The following NIPAL2 variants were observed in gnomAD, a reference collection of about 807,000 sequenced individuals.
The protein encoded by NIPAL2 is NIPA-like protein 2.
NIPAL2 carries 43 observed loss-of-function variants against 48.9 expected under a neutral mutation model. That is an observed-to-expected ratio of 0.88 (90% CI 0.69 to 1.13). NIPAL2 has a LOEUF of 1.13. Ranked by LOEUF, NIPAL2 falls within the 50% of genes most tolerant of loss-of-function variation. NIPAL2 has a pLI of 0.00. For synonymous variants in NIPAL2, 167 were observed against 174.6 expected (o/e 0.96, Z 0.34); for missense variants, 446 against 461.4 (o/e 0.97, Z 0.31).
chr8:98,203,521 G>A (rs1810898558), intron 7 of NIPAL2, among the ~76,000 whole-genome samples: 1 of 152,206 alleles, frequency 6.6e-6, no homozygotes, highest in East Asian at 1.9e-4. Flanking sequence ...ATAGACCCCA[G>A]AATCTGTTAA....
chr8:98,283,288 G>A (rs1178463180), intron 1 of NIPAL2, among the ~76,000 whole-genome samples: 1 of 152,164 alleles, frequency 6.6e-6, no homozygotes. Flanking sequence ...TCTCAGCAGA[G>A]CAAATTTATG....
intron 1 of NIPAL2, among the ~76,000 whole-genome samples, chr8:98,274,017 T>C (rs535880756): frequency 1.3e-5 from 2 of 152,042 alleles, no homozygotes; most frequent in East Asian, 3.8e-4. Context: ...CCAAATGAAG[T>C]TGGTTGCCAC....
intron 6 of NIPAL2, among the ~76,000 whole-genome samples, chr8:98,205,758 G>A (rs1177657836): frequency 6.6e-6 from 1 of 152,120 alleles, no homozygotes; most frequent in African/African-American, 2.4e-5. Context: ...CAGCCTTTTG[G>A]CTAAAATCAA....
At chr8:98,226,134 T>G (rs1298335656) in intron 4 of NIPAL2, among the ~76,000 whole-genome samples, 1 of 152,138 alleles carries the variant, frequency 6.6e-6, no homozygotes, top group Non-Finnish European at 1.5e-5. Context: ...TTATCTTGCA[T>G]TTATTTGAGT....
At chr8:98,279,485 C>T (rs1241486287) in intron 1 of NIPAL2, among the ~76,000 whole-genome samples, 2 of 152,200 alleles carry the variant, frequency 1.3e-5, no homozygotes, top group Non-Finnish European at 2.9e-5. Context: ...AAACATCTCT[C>T]TCTTTCTCTT....
intron 1 of NIPAL2, among the ~76,000 whole-genome samples, chr8:98,278,662 G>A (rs938931071): frequency 2.0e-5 from 3 of 152,138 alleles, no homozygotes; most frequent in African/African-American, 7.2e-5. Context: ...GCTCCTTGAA[G>A]GCAGAGCTGT....
intron 3 of NIPAL2, among the ~76,000 whole-genome samples, chr8:98,251,368 T>C (rs1813575239): frequency 6.6e-6 from 1 of 152,222 alleles, no homozygotes; most frequent in Admixed American, 6.5e-5. Flanking sequence ...AATGTCTATG[T>C]ACATGTTAGT....
At chr8:98,276,268 C>A (rs531813700) in intron 1 of NIPAL2, among the ~76,000 whole-genome samples, 9 of 152,166 alleles carry the variant, frequency 5.9e-5, no homozygotes, top group African/African-American at 2.2e-4. Context: ...ACCCACAACC[C>A]CTAGCAACCA....
intron 1 of NIPAL2, among the ~76,000 whole-genome samples, chr8:98,290,811 G>A (rs1816451446): frequency 6.6e-6 from 1 of 152,204 alleles, no homozygotes; most frequent in South Asian, 2.1e-4. Context: ...GCAGCGGGGA[G>A]CACAGCTTGC....
chr8:98,191,173 T>C lies in NIPAL2; in HGVS notation c.*1805A>G, dbSNP rs1326677531. On this transcript the variant is annotated 3_prime_UTR_variant, in exon 11 of 11. Transcript: ENST00000430223. The stretch of plus-strand genomic sequence containing the variant: ...ACAGTGCTGAAAATCTCATGCACTC[T>C]AGCTATGAATGCAGGTCTACTTGAA... 1 of 152,240 alleles carries C rather than the reference T, an allele frequency of 6.6e-6. No individual in the cohort carries two copies. The highest frequency in any genetic ancestry group is 2.4e-5 in the African/African-American group (1 of 41,468). The allele number at this position is 152,240 out of a possible 1,614,324, so 9.4% of individuals were successfully genotyped here.
chr8:98,258,738 C>T (rs1814058263), intron 1 of NIPAL2, among the ~76,000 whole-genome samples: 1 of 151,680 alleles, frequency 6.6e-6, no homozygotes, highest in Non-Finnish European at 1.5e-5. Context: ...ACCAATTCAG[C>T]TATTTCTCTA....
At chr8:98,224,505 C>A (rs891890524) in intron 4 of NIPAL2, among the ~76,000 whole-genome samples, 3 of 151,874 alleles carry the variant, frequency 2.0e-5, no homozygotes, top group South Asian at 2.1e-4. Flanking sequence ...GTTTACTGAA[C>A]CAGTTTCCAA....
intron 4 of NIPAL2, among the ~76,000 whole-genome samples, chr8:98,229,385 T>C (rs575693823): frequency 2.1e-4 from 32 of 152,340 alleles, no homozygotes; most frequent in Non-Finnish European, 4.3e-4. Context: ...TTTTTTGTTT[T>C]AAATAGAGAC....
At chr8:98,223,830 A>G (rs1003954902) in intron 4 of NIPAL2, among the ~76,000 whole-genome samples, 2 of 152,374 alleles carry the variant, frequency 1.3e-5, no homozygotes, top group African/African-American at 4.8e-5. Context: ...CTTTAAAAAC[A>G]AAAAACAGTA....
At chr8:98,214,907 C>A (rs560888535) in intron 5 of NIPAL2, among the ~76,000 whole-genome samples, 1 of 152,314 alleles carries the variant, frequency 6.6e-6, no homozygotes, top group East Asian at 1.9e-4. Context: ...TCTTTGCCTT[C>A]CCTAAAACAG....
chr8:98,205,129 G>C lies in NIPAL2; in HGVS notation c.773C>G (p.Ser258Cys), dbSNP rs1444351194. ...AACTTACTTGACTTGGAAAACACAA[G>C]ATGCTATCATGATGATAAACATGAT... ...FYIMFIIMIA[S>C]CVFQVKFLNQ... The change falls in exon 7 of 11, where the codon TCT becomes TGT. Residue 258 changes from serine (S) to cysteine (C), a missense_variant. Transcript: ENST00000430223. 5 of 1,613,596 alleles carry C rather than the reference G, an allele frequency of 3.1e-6. No individual in the cohort carries two copies. Among genetic ancestry groups the C allele is most frequent in the Non-Finnish European group, 4.2e-6 (5 of 1,179,808 alleles).
intron 5 of NIPAL2, among the ~76,000 whole-genome samples, chr8:98,221,610 T>C (rs1374254648): frequency 1.3e-5 from 2 of 152,162 alleles, no homozygotes; most frequent in African/African-American, 4.8e-5. Flanking sequence ...TTTTGTTACA[T>C]AGGTATACAT....
chr8:98,290,756 G>A (rs61411139), intron 1 of NIPAL2, among the ~76,000 whole-genome samples: 25,828 of 152,088 alleles, frequency 0.17, 3,047 homozygotes, highest in African/African-American at 0.34. Flanking sequence ...CTTTAAAAAT[G>A]CATATGGGGG....
chr8:98,260,008 G>C (rs1814197135), intron 1 of NIPAL2, among the ~76,000 whole-genome samples: 1 of 152,236 alleles, frequency 6.6e-6, no homozygotes, highest in Non-Finnish European at 1.5e-5. Flanking sequence ...AGAAATAATA[G>C]ACTAAGGTTG....
Sources: allele counts gnomAD v4.1 joint callset (sites outside exome capture counted in the v4.1 genomes callset), GRCh38; gene constraint gnomAD v4.1.1; transcripts MANE v1.5; gene names NCBI Gene and HGNC (gene_info 2026-07-23, HGNC 2026-07-21).